The following TRERF1 variants were observed in gnomAD, a reference collection of about 807,000 sequenced individuals.
TRERF1 encodes transcriptional-regulating factor 1.
In TRERF1, 27 loss-of-function variants were observed where a neutral mutation model predicts 122.9. The observed-to-expected ratio is 0.22, with a 90% CI of 0.16 to 0.30. The LOEUF is 0.30. Ranked by LOEUF, TRERF1 falls within the 10% of genes least tolerant of loss-of-function variation. TRERF1 has a pLI of 1.00. For synonymous variants in TRERF1, 636 were observed against 641.7 expected (o/e 0.99, Z 0.13); for missense variants, 1,248 against 1,560.3 (o/e 0.80, Z 3.37).
At chr6:42,436,121 C>A (rs1163551279) in intron 2 of TRERF1, among the ~76,000 whole-genome samples, 1 of 152,158 alleles carries the variant, frequency 6.6e-6, no homozygotes, top group African/African-American at 2.4e-5. Context: ...GTAATTCCAG[C>A]ACTTTGGGAG....
At chr6:42,262,612 A>AGAGAGAGAGAGAAAGAG (rs1169414320) in intron 8 of TRERF1, among the ~76,000 whole-genome samples, 1 of 116,218 alleles carries the variant, frequency 8.6e-6, no homozygotes, top group Non-Finnish European at 1.8e-5. Flanking sequence ...AGACAGACGG[A>AGAGAGAGAGAGAAAGAG]AACCCTTCCC....
At chr6:42,382,029 C>T (rs1484378574) in intron 2 of TRERF1, among the ~76,000 whole-genome samples, 1 of 151,806 alleles carries the variant, frequency 6.6e-6, no homozygotes, top group Non-Finnish European at 1.5e-5. Context: ...CATTACAGTG[C>T]TAATAGTATT....
intron 4 of TRERF1, among the ~76,000 whole-genome samples, chr6:42,292,990 CT>C (rs536649149): frequency 1.3e-3 from 197 of 152,346 alleles, no homozygotes; most frequent in Non-Finnish European, 2.1e-3. Context: ...TAGTTACAGC[CT>C]TTCCTGCTTA....
At chr6:42,272,050 T>TGA (rs1226024693) in intron 4 of TRERF1, among the ~76,000 whole-genome samples, 1 of 152,164 alleles carries the variant, frequency 6.6e-6, no homozygotes, top group Non-Finnish European at 1.5e-5. Context: ...TTTAAAACAG[T>TGA]GATGTAATAG....
At chr6:42,351,515 T>C (rs911827526) in intron 3 of TRERF1, among the ~76,000 whole-genome samples, 2 of 152,194 alleles carry the variant, frequency 1.3e-5, no homozygotes, top group East Asian at 3.8e-4. Flanking sequence ...ATTAATAGGA[T>C]GGTTCTATTT....
intron 4 of TRERF1, among the ~76,000 whole-genome samples, chr6:42,284,427 T>G (rs1782838085): frequency 6.6e-6 from 1 of 152,190 alleles, no homozygotes; most frequent in Non-Finnish European, 1.5e-5. Flanking sequence ...TTTGGTGGCT[T>G]GCTTTTATCA....
chr6:42,385,426 T>C (rs1000948124), intron 2 of TRERF1, among the ~76,000 whole-genome samples: 2 of 152,208 alleles, frequency 1.3e-5, no homozygotes, highest in African/African-American at 4.8e-5. Context: ...TCACTGACAC[T>C]GGGGCCACCA....
At chr6:42,409,732 T>C (rs1780832214) in intron 2 of TRERF1, among the ~76,000 whole-genome samples, 1 of 152,224 alleles carries the variant, frequency 6.6e-6, no homozygotes, top group Non-Finnish European at 1.5e-5. Context: ...ATGACAAGCA[T>C]CTGTTAAACT....
At chr6:42,381,517 G>T (rs1286325961) in intron 2 of TRERF1, among the ~76,000 whole-genome samples, 1 of 151,980 alleles carries the variant, frequency 6.6e-6, no homozygotes, top group Non-Finnish European at 1.5e-5. Context: ...TAGGACCAAA[G>T]GCTGTCCTCA....
intron 3 of TRERF1, among the ~76,000 whole-genome samples, chr6:42,301,377 C>T (rs748271134): frequency 6.6e-6 from 1 of 151,982 alleles, no homozygotes; most frequent in Admixed American, 6.6e-5. Context: ...TTATAGGTGC[C>T]CACCACCACA....
chr6:42,425,731 G>A (rs1229013175), intron 2 of TRERF1, among the ~76,000 whole-genome samples: 1 of 151,404 alleles, frequency 6.6e-6, no homozygotes, highest in Non-Finnish European at 1.5e-5. Flanking sequence ...TTTTAGTAGA[G>A]ACAGGTTTTC....
chr6:42,385,451 C>A (rs573366718), intron 2 of TRERF1, among the ~76,000 whole-genome samples: 14 of 152,202 alleles, frequency 9.2e-5, no homozygotes, highest in Non-Finnish European at 1.8e-4. Flanking sequence ...CCTGAAGTTA[C>A]GTGGACAGGC....
chr6:42,442,819 T>C (rs1363745488), intron 2 of TRERF1, among the ~76,000 whole-genome samples: 6 of 152,236 alleles, frequency 3.9e-5, no homozygotes, highest in Admixed American at 2.0e-4. Flanking sequence ...GTATTATCTA[T>C]TTCAGAGTGC....
Position 42,246,559 on chromosome 6 carries a change from A to G in TRERF1, c.2657-15T>C. The G allele has an allele frequency of 8.8e-6, 14 of 1,585,896 alleles. No individual in the cohort carries two copies. The highest frequency in any genetic ancestry group is 1.2e-5 in the Non-Finnish European group (14 of 1,165,204). ...CTTGTCCGAACCTACAACAAAACAC[A>G]AACATCATAAGAACAGCTCACAGTT... On this transcript the variant is annotated splice_polypyrimidine_tract_variant and intron_variant, in intron 13 of 17. Coordinates refer to ENST00000372922, the Ensembl canonical transcript of TRERF1.
chr6:42,236,188 G>A lies in TRERF1; in HGVS notation c.3066+17C>T, dbSNP rs199957982. 7.0e-5 allele frequency: 108 copies of A among 1,546,564 alleles called. No homozygotes were observed. Among genetic ancestry groups the A allele is most frequent in the Non-Finnish European group, 8.6e-5 (99 of 1,152,160 alleles). On this transcript the variant is annotated intron_variant, in intron 16 of 17. Transcript: ENST00000372922. ...TCTCACTTGTCCCAGATCCCCAGAC[G>A]ACACAGACACACTTACAGCCCCACA...
rs79598751 is a variant in TRERF1, at chr6:42,247,323, C to T, written c.2657-779G>A. 1.2e-3 allele frequency among the ~76,000 whole-genome samples: 186 copies of T among 152,292 alleles called. 1 individual carries two copies. Among genetic ancestry groups the T allele is most frequent in the African/African-American group, 4.3e-3 (179 of 41,548 alleles). ...ATATTTATTAGGTGTATATTACAAG[C>T]AAGATGCTGTACTAGGAAAAATAGC... On this transcript the variant is annotated intron_variant, in intron 13 of 17. Coordinates refer to ENST00000372922, the Ensembl canonical transcript of TRERF1.
intron 13 of TRERF1, among the ~76,000 whole-genome samples, chr6:42,250,764 A>T (rs1007929652): frequency 1.8e-4 from 27 of 152,112 alleles, no homozygotes; most frequent in African/African-American, 5.8e-4. Flanking sequence ...AACCTAATTA[A>T]CTGGATGAAA....
At chr6:42,261,296 C>G (rs1777827745) in intron 8 of TRERF1, among the ~76,000 whole-genome samples, 1 of 152,186 alleles carries the variant, frequency 6.6e-6, no homozygotes, top group Admixed American at 6.5e-5. Flanking sequence ...CCTCTGATCA[C>G]AGGGCCAGAG....
chr6:42,372,365 A>C (rs2151048287), intron 2 of TRERF1, among the ~76,000 whole-genome samples: 5 of 152,246 alleles, frequency 3.3e-5, no homozygotes, highest in Admixed American at 3.3e-4. Context: ...GCTTCTGTCC[A>C]ACAGCTACGG....
Sources: gnomAD v4.1 joint callset for allele counts (sites outside exome capture counted in the v4.1 genomes callset) on GRCh38, gnomAD v4.1.1 for gene constraint, MANE v1.5 for transcripts, NCBI Gene and HGNC (gene_info 2026-07-23, HGNC 2026-07-21) for gene names.